GRM7: variants seen among roughly 807,000 people sequenced by gnomAD.
GRM7 encodes the protein metabotropic glutamate receptor 7.
Under a neutral mutation model 84.5 loss-of-function variants are expected in GRM7, and 35 were observed. The ratio of observed to expected loss-of-function variants is 0.41; its 90% confidence interval spans 0.32 to 0.55. GRM7 has a LOEUF of 0.55. GRM7 is among the 20% of genes least tolerant of loss of function. The pLI, the probability that GRM7 is intolerant of heterozygous loss-of-function variation, is 0.19. For missense variants in GRM7, 1,003 were observed against 1,194.6 expected, an observed-to-expected ratio of 0.84 and a Z score of 2.36; for synonymous variants, 487 against 455.1, an observed-to-expected ratio of 1.07 and a Z score of -0.89.
At chr3:7,223,288 A>T (rs540008739) in intron 2 of GRM7, among the ~76,000 whole-genome samples, 1 of 151,898 alleles carries the variant, frequency 6.6e-6, no homozygotes, top group African/African-American at 2.4e-5. Flanking sequence ...CATAAATTTG[A>T]TTGTATTTTT....
At position 6,862,304 on chromosome 3, in the gene GRM7, A is replaced by C. The variant is rs1030298075; in HGVS notation, c.519+397A>C. 3.5e-4 allele frequency among the ~76,000 whole-genome samples: 54 copies of C among 152,134 alleles called. No homozygotes were observed. The highest frequency in any genetic ancestry group is 1.3e-3 in the African/African-American group (54 of 41,528). On this transcript the variant is annotated intron_variant, in intron 1 of 9. Coordinates refer to ENST00000357716, the MANE Select transcript of GRM7 (RefSeq NM_000844.4). The surrounding 1 kb of genome is among the most constrained non-coding windows in gnomAD (Gnocchi z 5.2). Reference sequence around the variant, plus strand: ...TAGGAAAGATGAGACGATGCCTGGAAACCGGGCATTTCCCAACTCCCCAGC... The same window carrying C: ...TAGGAAAGATGAGACGATGCCTGGACACCGGGCATTTCCCAACTCCCCAGC...
intron 1 of GRM7, among the ~76,000 whole-genome samples, chr3:7,061,149 T>C (rs1697422484): frequency 6.6e-6 from 1 of 151,804 alleles, no homozygotes; most frequent in African/African-American, 2.4e-5. Context: ...ATTTGGGGTA[T>C]ATAAGATAAA....
At chr3:7,348,387 C>T (rs1450489172) in intron 4 of GRM7, among the ~76,000 whole-genome samples, 1 of 152,084 alleles carries the variant, frequency 6.6e-6, no homozygotes, top group Non-Finnish European at 1.5e-5. Flanking sequence ...TGATATCCTG[C>T]TTATATTTGT....
intron 9 of GRM7, among the ~76,000 whole-genome samples, chr3:7,730,742 G>A (rs1436750294): frequency 6.6e-6 from 1 of 152,134 alleles, no homozygotes; most frequent in Non-Finnish European, 1.5e-5. Flanking sequence ...GACAGACTTT[G>A]GTTCACAGCT....
At chr3:7,242,656 T>C (rs1468695778) in intron 2 of GRM7, among the ~76,000 whole-genome samples, 4 of 152,154 alleles carry the variant, frequency 2.6e-5, no homozygotes, top group African/African-American at 9.6e-5. Flanking sequence ...GAGTTTTGAA[T>C]GTAAGATTTT....
At chr3:7,615,763 C>A (rs1002599468) in intron 8 of GRM7, among the ~76,000 whole-genome samples, 1 of 152,060 alleles carries the variant, frequency 6.6e-6, no homozygotes, top group Admixed American at 6.6e-5. Context: ...CTCAAAATAC[C>A]AGGCTTGCCT....
At chr3:7,585,732 C>T (rs565063857) in intron 8 of GRM7, among the ~76,000 whole-genome samples, 1 of 152,146 alleles carries the variant, frequency 6.6e-6, no homozygotes, top group South Asian at 2.1e-4. Flanking sequence ...CACAGGGACC[C>T]AGGCCTCAAA....
intron 4 of GRM7, among the ~76,000 whole-genome samples, chr3:7,329,157 G>C (rs1701100211): frequency 6.6e-6 from 1 of 151,610 alleles, no homozygotes; most frequent in Admixed American, 6.6e-5. Flanking sequence ...TTTGAACCAA[G>C]GCCACAAAAT....
intron 4 of GRM7, among the ~76,000 whole-genome samples, chr3:7,371,071 A>G (rs114348323): frequency 0.016 from 2,404 of 152,310 alleles, 59 homozygotes; most frequent in African/African-American, 0.055. Flanking sequence ...TACAGAGACT[A>G]TTGAATGTTC....
chr3:6,942,323 A>G (rs1179752633), intron 1 of GRM7, among the ~76,000 whole-genome samples: 1 of 152,148 alleles, frequency 6.6e-6, no homozygotes, highest in Non-Finnish European at 1.5e-5. Flanking sequence ...AATAAACTGC[A>G]TGTAATTAAA....
At chr3:6,911,461 G>C (rs1696766257) in intron 1 of GRM7, among the ~76,000 whole-genome samples, 1 of 152,032 alleles carries the variant, frequency 6.6e-6, no homozygotes. Flanking sequence ...ACTGTTATTA[G>C]TTTCTTATGT....
intron 4 of GRM7, among the ~76,000 whole-genome samples, chr3:7,355,973 A>G (rs918332378): frequency 6.6e-6 from 1 of 152,146 alleles, no homozygotes; most frequent in Non-Finnish European, 1.5e-5. Flanking sequence ...TCAACGCTGC[A>G]GCACTATAGC....
chr3:6,889,160 A>G (rs1574973393), intron 1 of GRM7, among the ~76,000 whole-genome samples: 1 of 152,150 alleles, frequency 6.6e-6, no homozygotes, highest in African/African-American at 2.4e-5. Context: ...CTAGATATAC[A>G]ATCATGTCAC....
At chr3:7,224,888 A>G (rs1347223200) in intron 2 of GRM7, among the ~76,000 whole-genome samples, 1 of 152,202 alleles carries the variant, frequency 6.6e-6, no homozygotes, top group Non-Finnish European at 1.5e-5. Context: ...GAAGCATTTC[A>G]TGAATCCCAT....
chr3:6,942,754 T>C (rs1446715779), intron 1 of GRM7, among the ~76,000 whole-genome samples: 1 of 152,072 alleles, frequency 6.6e-6, no homozygotes, highest in Non-Finnish European at 1.5e-5. Context: ...AATACCTGGA[T>C]GGATCATATG....
rs1306648886 is a variant in GRM7, at chr3:7,143,617, T to C, written c.520-2835T>C. Among the ~76,000 whole-genome samples, 99 of 152,166 alleles carry C rather than the reference T, an allele frequency of 6.5e-4. 1 individual carries two copies. The highest frequency in any genetic ancestry group is 1.2e-4 in the Non-Finnish European group (8 of 68,034). The stretch of plus-strand genomic sequence containing the variant: ...TCTGTTTCCTCAGGATTTTCATTAC[T>C]AAAATATGGGGCATGGTGTAGAAAA... On this transcript the variant is annotated intron_variant, in intron 1 of 9. Coordinates refer to ENST00000357716, the MANE Select transcript of GRM7 (RefSeq NM_000844.4).
rs1431497436 is a variant in GRM7, at chr3:7,052,175, C to A, written c.520-94277C>A. ...TTGGACTGAAAATGTATTTATGAAT[C>A]AGTGATTATCTGTCTTTGAGCTTGA... On this transcript the variant is annotated intron_variant, in intron 1 of 9. Coordinates refer to ENST00000357716, the MANE Select transcript of GRM7 (RefSeq NM_000844.4). Among the ~76,000 whole-genome samples, 6 of 151,608 alleles carry A rather than the reference C, an allele frequency of 4.0e-5. No homozygotes were observed. In the Admixed American group the frequency reaches 4.0e-4, roughly 10 times the overall value.
rs569789683 is a variant in GRM7, at chr3:7,721,803, A to C, written c.2699-18554A>C. 3.9e-5 allele frequency among the ~76,000 whole-genome samples: 6 copies of C among 152,310 alleles called. No individual in the cohort carries two copies. The East Asian group carries it at 7.7e-4, about 20-fold the overall frequency. On this transcript the variant is annotated intron_variant, in intron 9 of 9. Transcript: ENST00000357716. The stretch of plus-strand genomic sequence containing the variant: ...ACTAGCGGGGCCATTGATTATGTGC[A>C]CACACAATACTATTCTATAGAATAA...
chr3:7,261,301 A>G (rs1289217779), intron 2 of GRM7, among the ~76,000 whole-genome samples: 1 of 152,108 alleles, frequency 6.6e-6, no homozygotes, highest in Admixed American at 6.5e-5. Flanking sequence ...TTTAATTTCC[A>G]TGTAATTTTA....
Sources: gnomAD v4.1 joint callset for allele counts (sites outside exome capture counted in the v4.1 genomes callset) on GRCh38, gnomAD v4.1.1 for gene constraint, Gnocchi (gnomAD v3.1) non-coding constraint, MANE v1.5 for transcripts, NCBI Gene and HGNC (gene_info 2026-07-23, HGNC 2026-07-21) for gene names.